The following ZFR variants were observed in gnomAD, a reference collection of about 807,000 sequenced individuals.
The protein encoded by ZFR is zinc finger RNA-binding protein.
A neutral mutation model predicts 130.7 loss-of-function variants in ZFR; 19 were observed. That is an observed-to-expected ratio of 0.15 (90% CI 0.10 to 0.21). The LOEUF (loss-of-function observed/expected upper bound fraction) is 0.21, where lower values mean the gene tolerates loss of function less well. Among genes scored for constraint, ZFR ranks in the 10% least tolerant of loss-of-function variants. The pLI is 1.00. For synonymous variants in ZFR, 466 were observed against 456.9 expected (o/e 1.02, Z -0.25); for missense variants, 872 against 1,321.5 (o/e 0.66, Z 5.27).
intron 2 of ZFR, among the ~76,000 whole-genome samples, chr5:32,429,370 C>T (rs1754151899): frequency 6.6e-6 from 1 of 152,082 alleles, no homozygotes; most frequent in Non-Finnish European, 1.5e-5. Context: ...AAAAGACTTT[C>T]CTGACAGTTC....
intron 15 of ZFR, among the ~76,000 whole-genome samples, chr5:32,382,764 C>T (rs990304589): frequency 2.6e-5 from 4 of 152,072 alleles, no homozygotes; most frequent in African/African-American, 9.7e-5. Flanking sequence ...CACTCACCAC[C>T]ACGCCCAGCT....
intron 13 of ZFR, 35 bp downstream of exon 13, chr5:32,388,434 A>C (rs1375013263): frequency 5.0e-6 from 8 of 1,601,870 alleles, no homozygotes; most frequent in African/African-American, 4.0e-5. Flanking sequence ...AAGAAAAACC[A>C]AAATTACACA....
Position 32,390,456 on chromosome 5 carries a change from C to T in ZFR, c.1980-19G>A. The T allele has an allele frequency of 6.3e-7, 1 of 1,599,090 alleles. No individual in the cohort carries two copies. Among genetic ancestry groups the T allele is most frequent in the Non-Finnish European group, 8.6e-7 (1 of 1,168,122 alleles). Reference sequence around the variant, plus strand: ...ATAACGTCTGAAACATAAAGAATGACATTATAAGCATATGAGGAAAAATAC... The same window carrying T: ...ATAACGTCTGAAACATAAAGAATGATATTATAAGCATATGAGGAAAAATAC... On this transcript the variant is annotated intron_variant, in intron 11 of 19. Transcript: ENST00000265069.
intron 19 of ZFR, among the ~76,000 whole-genome samples, chr5:32,362,348 AGT>A (rs1752452005): frequency 6.6e-6 from 1 of 152,194 alleles, no homozygotes. Context: ...AAAGACATAT[AGT>A]GGCATACAAG....
In ZFR at chr5:32,428,444, C is replaced by G. The variant is rs192940425; in HGVS notation, c.138-8341G>C. 2.6e-3 allele frequency among the ~76,000 whole-genome samples: 391 copies of G among 152,184 alleles called. 13 individuals are homozygous for G. The highest frequency in any genetic ancestry group is 0.022 in the Admixed American group (340 of 15,274). ...AAGAAATTAGTCTAGCCTGTAGGTA[C>G]ATGCCTATAGTCCCAGCTACTCAAG... is the stretch of plus-strand genomic sequence containing the variant. On this transcript the variant is annotated intron_variant, in intron 2 of 19. Coordinates refer to ENST00000265069, the MANE Select transcript of ZFR (RefSeq NM_016107.5).
chr5:32,438,084 G>A (rs1754380102), intron 2 of ZFR, among the ~76,000 whole-genome samples: 1 of 151,870 alleles, frequency 6.6e-6, no homozygotes, highest in South Asian at 2.1e-4. Context: ...CATCTTTTAT[G>A]ACTTTTTTAT....
chr5:32,415,787 G>A (rs542435022), intron 4 of ZFR, among the ~76,000 whole-genome samples: 29 of 151,942 alleles, frequency 1.9e-4, no homozygotes, highest in Non-Finnish European at 4.3e-4. Flanking sequence ...CAACTTCTTT[G>A]CTGCCTCTGA....
chr5:32,390,574 T>TTTTCCATGTTTGC lies in ZFR; in HGVS notation c.1980-150_1980-138dup, dbSNP rs1753145327. The TTTTCCATGTTTGC allele has an allele frequency of 3.6e-6, 3 of 838,098 alleles. No homozygotes were observed. The East Asian group carries it at 8.4e-5, about 24-fold the overall frequency. 51.9% of individuals were successfully genotyped at this position (838,098 alleles called of 1,614,324 possible). A position where few individuals can be genotyped will look rare whatever the true frequency, so the allele number is the denominator to read the frequency against. On this transcript the variant is annotated intron_variant, in intron 11 of 19. Transcript: ENST00000265069. ...AAAATTTCTTCCCAAATGTATCTGATTTTCCATGTTTGCTTTCATTGCGAA... is the reference window on the plus strand; with the variant it reads ...AAAATTTCTTCCCAAATGTATCTGATTTTCCATGTTTGCTTTCCATGTTTGCTTTCATTGCGAA...
At chr5:32,412,367 C>G (rs999115170) in intron 5 of ZFR, among the ~76,000 whole-genome samples, 2 of 152,172 alleles carry the variant, frequency 1.3e-5, no homozygotes, top group African/African-American at 4.8e-5. Flanking sequence ...TACAAGACAA[C>G]TGGCCTGAAC....
chr5:32,364,176 T>A lies in ZFR; in HGVS notation c.2935A>T (p.Ile979Phe). 1 of 1,611,682 alleles carries A rather than the reference T, an allele frequency of 6.2e-7. No individual in the cohort carries two copies. The highest frequency in any genetic ancestry group is 1.1e-5 in the South Asian group (1 of 90,912). The stretch of plus-strand genomic sequence containing the variant: ...AAGTAAGAGTTACCTTTAAGAATAA[T>A]CCCTGAAGAAATGCATTCAAAAACT... ...RRVFECISSG[I>F]ILKGSPGLLD... Residue 979 changes from isoleucine to phenylalanine, a missense_variant, in exon 18 of 20, where the codon ATT (isoleucine) becomes TTT (phenylalanine). Around this residue, in one of 7 missense-constraint regions of ZFR, gnomAD observed 158 missense variants for 264.0 expected, o/e 0.60. Coordinates refer to ENST00000265069, the MANE Select transcript of ZFR (RefSeq NM_016107.5).
At chr5:32,429,424 C>A (rs1456485050) in intron 2 of ZFR, among the ~76,000 whole-genome samples, 1 of 152,118 alleles carries the variant, frequency 6.6e-6, no homozygotes, top group Non-Finnish European at 1.5e-5. Context: ...CTAAAAAATA[C>A]AAAAATTAGC....
At chr5:32,369,763 G>A (rs1234920579) in intron 17 of ZFR, among the ~76,000 whole-genome samples, 5 of 152,264 alleles carry the variant, frequency 3.3e-5, no homozygotes, top group South Asian at 2.1e-4. Flanking sequence ...AGTGAGTCAT[G>A]ATCATGCCAC....
At chr5:32,399,057 T>G (rs1753382751) in intron 9 of ZFR, among the ~76,000 whole-genome samples, 1 of 151,946 alleles carries the variant, frequency 6.6e-6, no homozygotes, top group Admixed American at 6.6e-5. Flanking sequence ...AGGCAGATCA[T>G]GAGGTCAGGA....
intron 2 of ZFR, among the ~76,000 whole-genome samples, chr5:32,438,249 GAA>G (rs72390030): frequency 0.55 from 43,505 of 79,668 alleles, 9,564 homozygotes; most frequent in Middle Eastern, 0.65. Flanking sequence ...GATTTTATCT[GAA>G]AATTTTTTTT....
chr5:32,415,647 T>A (rs1008837138), intron 4 of ZFR, among the ~76,000 whole-genome samples: 2 of 152,182 alleles, frequency 1.3e-5, no homozygotes, highest in African/African-American at 4.8e-5. Flanking sequence ...TGAAACTTGT[T>A]CATATACCAT....
chr5:32,389,812 T>G (rs934367060), intron 12 of ZFR, among the ~76,000 whole-genome samples: 1 of 152,148 alleles, frequency 6.6e-6, no homozygotes, highest in Non-Finnish European at 1.5e-5. Flanking sequence ...AGGAAACATA[T>G]TCCCTTCCTA....
At chr5:32,366,330 A>AAGT (rs749221229) in intron 17 of ZFR, among the ~76,000 whole-genome samples, 6 of 152,244 alleles carry the variant, frequency 3.9e-5, no homozygotes, top group Non-Finnish European at 5.9e-5. Context: ...AGTGAGCATT[A>AAGT]AGTAATCAGC....
In ZFR at chr5:32,403,385, G is replaced by A; in HGVS notation, c.1237C>T (p.His413Tyr). The change falls in exon 8 of 20, where the codon CAC becomes TAC. Residue 413 changes from histidine to tyrosine, a missense_variant. His to Tyr is a moderately conservative substitution (Grantham distance 83). This residue lies in a region of ZFR where 21 missense variants were observed against 54.4 expected (regional missense o/e 0.39). Coordinates refer to ENST00000265069, the MANE Select transcript of ZFR (RefSeq NM_016107.5). Reference sequence around the variant, plus strand: ...GGAATGGGTTTACCAAGTTTTGTGTGTAACTTAACCACCTATAAAACAAAA... The same window carrying A: ...GGAATGGGTTTACCAAGTTTTGTGTATAACTTAACCACCTATAAAACAAAA... Reference protein sequence around the residue: ...GAKHQKVVKLHTKLGKPIPST... With the variant: ...GAKHQKVVKLYTKLGKPIPST... 6.2e-7 allele frequency: 1 copy of A among 1,612,688 alleles called. No individual in the cohort carries two copies. Among genetic ancestry groups the A allele is most frequent in the Non-Finnish European group, 8.5e-7 (1 of 1,179,010 alleles).
intron 19 of ZFR, among the ~76,000 whole-genome samples, chr5:32,356,429 T>C (rs1752308737): frequency 6.6e-6 from 1 of 152,206 alleles, no homozygotes. Context: ...GTTTTGTTTT[T>C]TGAGACAGAG....
Sources: gnomAD v4.1 joint callset for allele counts (sites outside exome capture counted in the v4.1 genomes callset) on GRCh38, gnomAD v4.1.1 for gene constraint, gnomAD v4.1.1 regional missense constraint, MANE v1.5 for transcripts, NCBI Gene and HGNC (gene_info 2026-07-23, HGNC 2026-07-21) for gene names.